The following RPH3AL variants were observed in gnomAD, a reference collection of about 807,000 sequenced individuals.
The protein encoded by RPH3AL is rabphilin 3A like (without C2 domains).
In RPH3AL, 38 loss-of-function variants were observed where a neutral mutation model predicts 43.1. The ratio of observed to expected loss-of-function variants is 0.88; its 90% CI spans 0.68 to 1.15. The LOEUF is 1.15. RPH3AL is among the 50% of genes most tolerant of loss of function. The pLI, the probability that RPH3AL is intolerant of heterozygous loss-of-function variation, is 0.00. For missense variants in RPH3AL, 462 were observed against 423.2 expected (o/e 1.09, Z -0.81); for synonymous variants, 189 against 176.3 (o/e 1.07, Z -0.57).
intron 1 of RPH3AL, among the ~76,000 whole-genome samples, chr17:335,470 C>A (rs548243503): frequency 6.6e-6 from 1 of 152,104 alleles, no homozygotes. Context: ...AAATGCACGG[C>A]CCGGCCAAGA....
intron 5 of RPH3AL, among the ~76,000 whole-genome samples, chr17:314,634 ACCTGT>A: frequency 8.4e-6 from 1 of 119,292 alleles, no homozygotes. Context: ...ACCTCCATTG[ACCTGT>A]AGTCCCTGTG....
intron 5 of RPH3AL, among the ~76,000 whole-genome samples, chr17:285,177 A>G (rs2042876826): frequency 6.6e-6 from 1 of 151,938 alleles, no homozygotes; most frequent in African/African-American, 2.4e-5. Flanking sequence ...TCAGCCCTGG[A>G]GTCGTCTAGA....
Position 260,418 on chromosome 17 carries a change from C to T in RPH3AL, c.439-13133G>A, listed in dbSNP as rs146756374. 4.2e-4 allele frequency among the ~76,000 whole-genome samples: 64 copies of T among 152,292 alleles called. 2 individuals are homozygous for T. The East Asian group carries it at 0.012, about 28-fold the overall frequency. On this transcript the variant is annotated intron_variant, in intron 6 of 9. Transcript: ENST00000331302. ...CTGTGCCTGAGCCATCTCTGGATTC[C>T]CGGGACCCAGTGAGGAGCCTGCTAT...
At chr17:272,956 CTACGTCAGGGTGAGACCCCAGCAA>C (rs1567604302) in intron 6 of RPH3AL, among the ~76,000 whole-genome samples, 5 of 34,462 alleles carry the variant, frequency 1.5e-4, no homozygotes, top group South Asian at 1.3e-3. Context: ...CCAGCAAGGG[CTACGTCAGGGTGAGACCCCAGCAA>C]GGGCTACGTC....
chr17:348,699 T>C (rs1219043141), intron 1 of RPH3AL, among the ~76,000 whole-genome samples: 1 of 152,178 alleles, frequency 6.6e-6, no homozygotes, highest in Non-Finnish European at 1.5e-5. Flanking sequence ...AATGCTTTTG[T>C]GTGGACTAAT....
Position 253,834 on chromosome 17 carries a change from G to A in RPH3AL, c.439-6549C>T, listed in dbSNP as rs113557678. Among the ~76,000 whole-genome samples, 49 of 64,320 alleles carry A rather than the reference G, an allele frequency of 7.6e-4. 1 individual carries two copies. The highest frequency in any genetic ancestry group is 5.3e-3 in the South Asian group (7 of 1,310). The allele number at this position is 64,320 out of a possible 152,430, so 42.2% of individuals were successfully genotyped here. On this transcript the variant is annotated intron_variant, in intron 6 of 9. Coordinates refer to ENST00000331302, the MANE Select transcript of RPH3AL (RefSeq NM_006987.4). ...CGTGACTACCCTACGTACTTCCTAT[G>A]AGGGGAGCCGCACGGCGTCTGTCCT...
chr17:223,868 G>A (rs1000330945), intron 7 of RPH3AL, among the ~76,000 whole-genome samples: 8 of 152,062 alleles, frequency 5.3e-5, no homozygotes, highest in East Asian at 1.9e-4. Flanking sequence ...CTGTGCACCC[G>A]CAGCAGAGCG....
chr17:230,712 GC>G lies in RPH3AL; in HGVS notation c.614-10977del, dbSNP rs372490878. ...AAAGAATGAAACACGGCAAGCCTAT[GC>G]CCCCTGCCCACGACTTCACTGGGGT... On this transcript the variant is annotated intron_variant, in intron 7 of 9. Coordinates refer to ENST00000331302, the MANE Select transcript of RPH3AL (RefSeq NM_006987.4). Among the ~76,000 whole-genome samples the G allele has an allele frequency of 5.7e-3, 868 of 152,304 alleles. 12 individuals are homozygous for G. Among genetic ancestry groups the G allele is most frequent in the African/African-American group, 0.02 (838 of 41,582 alleles).
At chr17:324,743 T>C (rs2044576233) in intron 3 of RPH3AL, among the ~76,000 whole-genome samples, 1 of 134,020 alleles carries the variant, frequency 7.5e-6, no homozygotes, top group Non-Finnish European at 1.7e-5. Context: ...ATGTCTATTT[T>C]GAGACAGAGT....
At chr17:341,737 G>A (rs925694455) in intron 1 of RPH3AL, among the ~76,000 whole-genome samples, 6 of 152,040 alleles carry the variant, frequency 3.9e-5, no homozygotes, top group African/African-American at 7.2e-5. Flanking sequence ...TTTTTGAGAC[G>A]GGGTAATGCC....
intron 6 of RPH3AL, among the ~76,000 whole-genome samples, chr17:273,057 C>T (rs2042541695): frequency 6.9e-6 from 1 of 145,924 alleles, no homozygotes; most frequent in Non-Finnish European, 1.5e-5. Flanking sequence ...AGGGAGAGAC[C>T]CCAGCGAGGG....
At chr17:298,806 T>C (rs1273346402) in intron 5 of RPH3AL, among the ~76,000 whole-genome samples, 4 of 152,166 alleles carry the variant, frequency 2.6e-5, no homozygotes, top group African/African-American at 7.2e-5. Flanking sequence ...GATTTCTTAA[T>C]ATTCTAACAG....
intron 5 of RPH3AL, among the ~76,000 whole-genome samples, chr17:305,764 TCATCCCTCACATCACTCAC>T (rs2151645358): frequency 6.7e-6 from 1 of 148,278 alleles, no homozygotes; most frequent in African/African-American, 2.6e-5. Flanking sequence ...CATCACTCAG[TCATCCCTCACATCACTCAC>T]ATCGCCCCAT....
chr17:309,685 T>C (rs75098098), intron 5 of RPH3AL, among the ~76,000 whole-genome samples: 28 of 73,754 alleles, frequency 3.8e-4, no homozygotes, highest in South Asian at 1.0e-3. Flanking sequence ...GCACGTCCCC[T>C]GCCCTGCCCC....
In RPH3AL at chr17:328,947, G is replaced by A. The variant is rs1000825107; in HGVS notation, c.-36-1368C>T. On this transcript the variant is annotated intron_variant, in intron 2 of 9. Coordinates refer to ENST00000331302, the MANE Select transcript of RPH3AL (RefSeq NM_006987.4). The surrounding 1 kb of genome is among the most constrained non-coding windows in gnomAD (Gnocchi z 4.2). ...CCAGAATAAGCAAATCTAGAGAGAC[G>A]GAAGGTGAGGAGTGGTTGTCAGGGG... is the stretch of plus-strand genomic sequence containing the variant. 6.6e-6 allele frequency among the ~76,000 whole-genome samples: 1 copy of A among 152,152 alleles called. No individual in the cohort carries two copies. The highest frequency in any genetic ancestry group is 1.5e-5 in the Non-Finnish European group (1 of 68,034).
intron 6 of RPH3AL, among the ~76,000 whole-genome samples, chr17:260,108 G>T (rs1194974922): frequency 3.3e-5 from 5 of 152,184 alleles, no homozygotes; most frequent in Non-Finnish European, 5.9e-5. Flanking sequence ...ACTGGCCCAG[G>T]CATCCATCCT....
intron 5 of RPH3AL, among the ~76,000 whole-genome samples, chr17:302,915 A>C (rs183150133): frequency 8.9e-4 from 135 of 152,354 alleles, no homozygotes; most frequent in African/African-American, 3.2e-3. Context: ...ACAAACACCC[A>C]GACCCCGAAG....
intron 5 of RPH3AL, among the ~76,000 whole-genome samples, chr17:302,638 G>C (rs1030672770): frequency 5.3e-5 from 8 of 152,166 alleles, no homozygotes; most frequent in African/African-American, 1.9e-4. Context: ...ATCCAGGCCC[G>C]GCCCTCCCGG....
At chr17:286,335 G>A (rs937588957) in intron 5 of RPH3AL, among the ~76,000 whole-genome samples, 2 of 152,112 alleles carry the variant, frequency 1.3e-5, no homozygotes, top group African/African-American at 4.8e-5. Flanking sequence ...CCCAGATCGC[G>A]CCTCGGGCAG....
Sources: allele counts gnomAD v4.1 joint callset (sites outside exome capture counted in the v4.1 genomes callset), GRCh38; gene constraint gnomAD v4.1.1; non-coding constraint Gnocchi (gnomAD v3.1); transcripts MANE v1.5; gene names NCBI Gene and HGNC (gene_info 2026-07-23, HGNC 2026-07-21).